The following CACNA1I variants were observed in gnomAD, a reference collection of about 807,000 sequenced individuals.
CACNA1I encodes voltage-dependent T-type calcium channel subunit alpha-1I.
In CACNA1I, 74 loss-of-function variants were observed where a neutral mutation model predicts 201.6. The observed-to-expected ratio is 0.37, with a 90% CI of 0.30 to 0.45. CACNA1I has a LOEUF of 0.45. Among genes scored for constraint, CACNA1I ranks in the 20% least tolerant of loss-of-function variants. The probability of loss-of-function intolerance (pLI) is 1.00; values close to 1 mark genes in which losing one functional copy is unlikely to be tolerated. For missense variants in CACNA1I, 2,346 were observed against 3,138.1 expected, an observed-to-expected ratio of 0.75 and a Z score of 6.03; for synonymous variants, 1,431 against 1,345.2, an observed-to-expected ratio of 1.06 and a Z score of -1.40.
chr22:39,659,193 T>G lies in CACNA1I; in HGVS notation c.2330+77T>G, dbSNP rs1934920501. The G allele has an allele frequency of 3.9e-6, 6 of 1,552,746 alleles. No individual in the cohort carries two copies. Among genetic ancestry groups the G allele is most frequent in the Non-Finnish European group, 5.2e-6 (6 of 1,143,660 alleles). On this transcript the variant is annotated intron_variant, in intron 12 of 36. Coordinates refer to ENST00000402142, the MANE Select transcript of CACNA1I (RefSeq NM_021096.4). The surrounding 1 kb of genome is among the most constrained non-coding windows in gnomAD (Gnocchi z 4.3). ...CGGGAGCCTGGGGGATGTGGTCCAC[T>G]GTGCTTCTCTGGACAAAGCCACCTG...
Position 39,598,172 on chromosome 22 carries a change from G to C in CACNA1I, c.258G>C (p.Met86Ile). The change falls in exon 2 of 37, where the codon ATG becomes ATC. Residue 86 changes from methionine (M) to isoleucine (I), a missense_variant. This residue lies in a region of CACNA1I where 130 missense variants were observed against 160.7 expected (regional missense o/e 0.81). Transcript: ENST00000402142. The part of the protein sequence containing the change: ...VCNPWFECVS[M>I]LVILLNCVTL... ...GCACGTGGTTTGAATGTGTCAGCAT[G>C]CTGGTGATCCTGCTGAACTGCGTGA... is the stretch of plus-strand genomic sequence containing the variant. 6.2e-7 allele frequency: 1 copy of C among 1,604,584 alleles called. No individual in the cohort carries two copies. The highest frequency in any genetic ancestry group is 8.5e-7 in the Non-Finnish European group (1 of 1,175,622).
rs149646524 is a variant in CACNA1I, at chr22:39,618,566, G to A, written c.483-744G>A. 2.4e-3 allele frequency among the ~76,000 whole-genome samples: 358 copies of A among 152,170 alleles called. 4 individuals carry two copies. The highest frequency in any genetic ancestry group is 8.2e-3 in the African/African-American group (341 of 41,490). Reference sequence around the variant, plus strand: ...TTCACTCAATGACTCTTCAAGCAGCGGGAGGGGGTGGCAGCTTCACAACAG... The same window carrying A: ...TTCACTCAATGACTCTTCAAGCAGCAGGAGGGGGTGGCAGCTTCACAACAG... On this transcript the variant is annotated intron_variant, in intron 3 of 36. Coordinates refer to ENST00000402142, the MANE Select transcript of CACNA1I (RefSeq NM_021096.4).
chr22:39,661,045 C>A, intron 15 of CACNA1I, 63 bp from the exon 16 acceptor site: 1 of 1,329,036 alleles, frequency 7.5e-7, no homozygotes, highest in Non-Finnish European at 1.1e-6. Context: ...TCGTGGCTCC[C>A]TTGCTGTTGT....
Position 39,642,838 on chromosome 22 carries a change from G to A in CACNA1I, c.1098G>A (p.Val366=). 1.2e-6 allele frequency: 2 copies of A among 1,611,942 alleles called. No homozygotes were observed. The highest frequency in any genetic ancestry group is 1.7e-6 in the Non-Finnish European group (2 of 1,178,950). Residue 366 remains valine (V), a synonymous_variant, in exon 7 of 37, where the codon GTG becomes GTA. Coordinates refer to ENST00000402142, the MANE Select transcript of CACNA1I (RefSeq NM_021096.4). ...GCTGGGTGGAGATCATGTACTACGTGATGGATGCTCACTCCTTCTACAACT... is the reference window on the plus strand; with the variant it reads ...GCTGGGTGGAGATCATGTACTACGTAATGGATGCTCACTCCTTCTACAACT... ...LEGWVEIMYY[V]MDAHSFYNFI...
At chr22:39,670,988 C>T (rs57165010) in intron 26 of CACNA1I, 34 bp downstream of exon 26, 4 of 1,610,044 alleles carry the variant, frequency 2.5e-6, no homozygotes, top group East Asian at 4.5e-5. Context: ...CCCAAGGTTA[C>T]AAGGTGAGGG....
intron 10 of CACNA1I, among the ~76,000 whole-genome samples, chr22:39,655,931 G>A (rs909853615): frequency 7.9e-5 from 12 of 152,292 alleles, no homozygotes; most frequent in Admixed American, 7.8e-4. Context: ...CGTGGCGCGC[G>A]CGGCTGGAGC....
Position 39,619,326 on chromosome 22 carries a change from C to G in CACNA1I, c.499C>G (p.Leu167Val), listed in dbSNP as rs751154057. The change falls in exon 4 of 37, where the codon CTG (leucine) becomes GTG (valine). Residue 167 changes from leucine (L) to valine (V), a missense_variant. Coordinates refer to ENST00000402142, the MANE Select transcript of CACNA1I (RefSeq NM_021096.4). Reference sequence around the variant, plus strand: ...TCTCTGCAGGATGGTCGAGTACTCCCTGGACCTTCAGAACATCAACCTGTC... The same window carrying G: ...TCTCTGCAGGATGGTCGAGTACTCCGTGGACCTTCAGAACATCAACCTGTC... ...IVMAGMVEYSLDLQNINLSAI... is the reference protein window; with the variant it reads ...IVMAGMVEYSVDLQNINLSAI... The G allele has an allele frequency of 2.5e-6, 4 of 1,609,392 alleles. No individual in the cohort carries two copies. Among genetic ancestry groups the G allele is most frequent in the Admixed American group, 1.7e-5 (1 of 60,018 alleles).
At chr22:39,597,953 A>G (rs1349422641) in intron 1 of CACNA1I, among the ~76,000 whole-genome samples, 198 bp from the exon 2 acceptor site, 4 of 152,116 alleles carry the variant, frequency 2.6e-5, no homozygotes, top group Non-Finnish European at 5.9e-5. Flanking sequence ...TTTGGCGCAT[A>G]TGGCCATGTC....
rs1935606757 is a variant in CACNA1I, at chr22:39,679,227, G to C, written c.5176G>C (p.Val1726Leu). 1 of 1,594,088 alleles carries C rather than the reference G, an allele frequency of 6.3e-7. No homozygotes were observed. Among genetic ancestry groups the C allele is most frequent in the African/African-American group, 1.3e-5 (1 of 74,602 alleles). ...TAQFVLINVV[V>L]AVLMKHLDDS... ...GCAGTTCGTGCTCATCAACGTGGTG[G>C]TGGCTGTGCTCATGAAGCACCTGGA... The change falls in exon 32 of 37, where the codon GTG becomes CTG. Residue 1726 changes from valine to leucine, a missense_variant. By Grantham distance (32) the Val-to-Leu change is conservative (BLOSUM62 1). Transcript: ENST00000402142.
At chr22:39,591,675 C>T (rs1237448903) in intron 1 of CACNA1I, among the ~76,000 whole-genome samples, 1 of 152,172 alleles carries the variant, frequency 6.6e-6, no homozygotes, top group East Asian at 1.9e-4. Context: ...TCTTCCACCT[C>T]AACCTCCCAA....
Position 39,666,051 on chromosome 22 carries a change from G to A in CACNA1I, c.4104+45G>A. ...CCCTGATCAGACCCTCCCCTCTCTT[G>A]GATGCCAGTGGCTCTGGGAATCACA... On this transcript the variant is annotated intron_variant, in intron 23 of 36. Coordinates refer to ENST00000402142, the MANE Select transcript of CACNA1I (RefSeq NM_021096.4). This position sits in a 1 kb window ranked among gnomAD's most constrained non-coding sequence, Gnocchi z 4.1. The A allele has an allele frequency of 6.3e-7, 1 of 1,585,942 alleles. No homozygotes were observed. Among genetic ancestry groups the A allele is most frequent in the Non-Finnish European group, 8.6e-7 (1 of 1,164,420 alleles).
At chr22:39,573,952 C>T (rs1163687082) in intron 1 of CACNA1I, among the ~76,000 whole-genome samples, 2 of 152,154 alleles carry the variant, frequency 1.3e-5, no homozygotes, top group South Asian at 2.1e-4. Context: ...CCGGGAGCTG[C>T]GCAGAGCGAG....
chr22:39,580,529 A>G (rs1447046851), intron 1 of CACNA1I, among the ~76,000 whole-genome samples: 2 of 152,164 alleles, frequency 1.3e-5, no homozygotes, highest in African/African-American at 2.4e-5. Context: ...GGGAGGGGCT[A>G]TTCAGCCTGG....
At chr22:39,653,120 G>A (rs796397639) in intron 10 of CACNA1I, among the ~76,000 whole-genome samples, 5 of 102,794 alleles carry the variant, frequency 4.9e-5, no homozygotes, top group African/African-American at 2.9e-4. Flanking sequence ...TGACTGCATT[G>A]TGGGTGCACG....
chr22:39,598,022 A>G lies in CACNA1I; in HGVS notation c.237-129A>G, dbSNP rs149451152. Reference sequence around the variant, plus strand: ...TTGAGCTGTTTCAGGGATGGCACCCAGAGGGAGAAGAATGAGGAATGGGGT... The same window carrying G: ...TTGAGCTGTTTCAGGGATGGCACCCGGAGGGAGAAGAATGAGGAATGGGGT... On this transcript the variant is annotated intron_variant, in intron 1 of 36. Transcript: ENST00000402142. 1,547 of 647,302 alleles carry G rather than the reference A, an allele frequency of 2.4e-3. 19 individuals carry two copies. The African/African-American group carries it at 0.024, about 10-fold the overall frequency. 40.1% of individuals were successfully genotyped at this position (647,302 alleles called of 1,614,324 possible).
chr22:39,619,723 G>A (rs1249162820), intron 4 of CACNA1I, among the ~76,000 whole-genome samples: 1 of 152,176 alleles, frequency 6.6e-6, no homozygotes, highest in Non-Finnish European at 1.5e-5. Context: ...TTCATAGGAT[G>A]TCAAGGCAAG....
At chr22:39,661,757 C>G (rs942342558) in intron 16 of CACNA1I, among the ~76,000 whole-genome samples, 2 of 152,226 alleles carry the variant, frequency 1.3e-5, no homozygotes, top group Non-Finnish European at 2.9e-5. Context: ...ATGTAACCTC[C>G]GGGTGGATGT....
At chr22:39,646,481 T>C in intron 7 of CACNA1I, 88 bp from the exon 8 acceptor site, 3 of 1,465,582 alleles carry the variant, frequency 2.0e-6, no homozygotes, top group Non-Finnish European at 2.7e-6. Context: ...GTCTCCCTGC[T>C]GTCCCCACTC....
rs1161861456 is a variant in CACNA1I, at chr22:39,647,825, G to T, written c.1466G>T (p.Gly489Val). Residue 489 changes from glycine (G) to valine (V), a missense_variant, in exon 9 of 37, where the codon GGG becomes GTG. Physicochemically the swap from Gly to Val is moderately radical, Grantham distance 109. Coordinates refer to ENST00000402142, the MANE Select transcript of CACNA1I (RefSeq NM_021096.4). The stretch of plus-strand genomic sequence containing the variant: ...TAATATTATCTCCACTTTTCAGATG[G>T]GAAGACTAAGGGTCAGGGAGATGAA... ...PHAKEPRHYH[G>V]KTKGQGDEGR... The T allele has an allele frequency of 1.9e-6, 3 of 1,595,410 alleles. No homozygotes were observed. Among genetic ancestry groups the T allele is most frequent in the Non-Finnish European group, 2.6e-6 (3 of 1,163,218 alleles).
Sources: allele counts gnomAD v4.1 joint callset (sites outside exome capture counted in the v4.1 genomes callset), GRCh38; gene constraint gnomAD v4.1.1; regional missense constraint gnomAD v4.1.1; non-coding constraint Gnocchi (gnomAD v3.1); transcripts MANE v1.5; gene names NCBI Gene and HGNC (gene_info 2026-07-23, HGNC 2026-07-21).